The following RNF182 variants were observed in gnomAD, a reference collection of about 807,000 sequenced individuals.
RNF182 encodes ring finger protein 182.
A neutral mutation model predicts 14.4 loss-of-function variants in RNF182; 15 were observed. The ratio of observed to expected loss-of-function variants is 1.04; its 90% CI spans 0.70 to 1.60. RNF182 has a LOEUF of 1.60. RNF182 is among the 40% of genes most tolerant of loss of function. RNF182 has a pLI of 0.00. For synonymous variants in RNF182, 128 were observed against 122.9 expected, an observed-to-expected ratio of 1.04 and a Z score of -0.27; for missense variants, 268 against 294.8, an observed-to-expected ratio of 0.91 and a Z score of 0.67.
intron 1 of RNF182, among the ~76,000 whole-genome samples, chr6:13,934,174 A>G (rs1176570311): frequency 6.6e-6 from 1 of 152,254 alleles, no homozygotes; most frequent in Non-Finnish European, 1.5e-5. Flanking sequence ...TGCACCAGCC[A>G]CATTTCAAGT....
In RNF182 at chr6:13,977,701, C is replaced by A. The variant is rs535750500; in HGVS notation, c.582C>A (p.Phe194Leu). ...VLVWLLGLLY[F>L]SSLPLGIYLL... ...TGTGGTTGCTAGGTTTGCTCTACTT[C>A]AGCTCCTTACCCTTAGGAATCTACT... is the stretch of plus-strand genomic sequence containing the variant. Residue 194 changes from phenylalanine to leucine, a missense_variant, in exon 3 of 3, where the codon TTC (phenylalanine) becomes TTA (leucine). Coordinates refer to ENST00000488300, the MANE Select transcript of RNF182 (RefSeq NM_152737.4). 6.2e-7 allele frequency: 1 copy of A among 1,614,208 alleles called. No homozygotes were observed. Among genetic ancestry groups the A allele is most frequent in the East Asian group, 2.2e-5 (1 of 44,882 alleles).
chr6:13,935,778 A>G (rs557720915), intron 1 of RNF182, among the ~76,000 whole-genome samples: 3 of 152,344 alleles, frequency 2.0e-5, no homozygotes, highest in East Asian at 1.9e-4. Flanking sequence ...ACATCTTACT[A>G]TGATTCATTT....
intron 1 of RNF182, among the ~76,000 whole-genome samples, chr6:13,939,199 C>T (rs1055507545): frequency 1.3e-5 from 2 of 152,124 alleles, no homozygotes; most frequent in Non-Finnish European, 2.9e-5. Context: ...TAGTGTTTGG[C>T]GTTTACATAC....
rs189187466 is a variant in RNF182 at position 13,939,789 on chromosome 6, C to T, written c.-367+14766C>T. Among the ~76,000 whole-genome samples the T allele has an allele frequency of 2.8e-4, 42 of 152,264 alleles. No homozygotes were observed. In the East Asian group the frequency reaches 6.6e-3, roughly 24 times the overall value. On this transcript the variant is annotated intron_variant, in intron 1 of 2. Transcript: ENST00000488300. ...TGATCTCCTGACCTCGTGATCCACC[C>T]GCCTCAGCCTTCCAAAGTGCTGGGA...
At chr6:13,960,520 T>TA (rs892570587) in intron 1 of RNF182, among the ~76,000 whole-genome samples, 1 of 152,182 alleles carries the variant, frequency 6.6e-6, no homozygotes, top group African/African-American at 2.4e-5. Flanking sequence ...ACCCAACTGT[T>TA]ACTCTTTTAA....
chr6:13,956,395 G>A (rs550932553), intron 1 of RNF182, among the ~76,000 whole-genome samples: 2 of 150,742 alleles, frequency 1.3e-5, no homozygotes, highest in South Asian at 2.1e-4. Context: ...TGTGATCTAC[G>A]CTCACTGCAA....
At chr6:13,927,766 A>T (rs374661820) in intron 1 of RNF182, among the ~76,000 whole-genome samples, 12 of 152,388 alleles carry the variant, frequency 7.9e-5, no homozygotes, top group African/African-American at 2.4e-4. Context: ...CTGTGATAAC[A>T]TGATTACTGG....
intron 1 of RNF182, among the ~76,000 whole-genome samples, chr6:13,925,700 T>A (rs922783895): frequency 1.3e-5 from 2 of 152,218 alleles, no homozygotes; most frequent in African/African-American, 4.8e-5. Context: ...CTTTTGTTTC[T>A]AGAAGGTATT....
rs764040007 is a variant in RNF182 at position 13,977,341 on chromosome 6, AGAT to A, written c.228_230del (p.Asp76del). On this transcript the variant is annotated inframe_deletion, in exon 3 of 3. Coordinates refer to ENST00000488300, the MANE Select transcript of RNF182 (RefSeq NM_152737.4). ...TCTGCAGGTTTGAGACGTGCCTGCC[AGAT>A]GATGAAGTTAGTAGCCTGCCCGATG... is the stretch of plus-strand genomic sequence containing the variant. The A allele has an allele frequency of 6.2e-7, 1 of 1,614,230 alleles. No homozygotes were observed. The highest frequency in any genetic ancestry group is 1.7e-5 in the Admixed American group (1 of 60,034).
chr6:13,940,086 C>T (rs902623391), intron 1 of RNF182, among the ~76,000 whole-genome samples: 1 of 152,080 alleles, frequency 6.6e-6, no homozygotes, highest in Non-Finnish European at 1.5e-5. Flanking sequence ...TGTACTTTGT[C>T]TTATTCCCAA....
chr6:13,955,333 C>G (rs280172), intron 1 of RNF182, among the ~76,000 whole-genome samples: 119,326 of 152,112 alleles, frequency 0.78, 48,399 homozygotes, highest in Middle Eastern at 0.91. Context: ...TGGTTGAAAT[C>G]CTTCTATAAA....
At chr6:13,926,762 T>A (rs1372913686) in intron 1 of RNF182, among the ~76,000 whole-genome samples, 1 of 151,706 alleles carries the variant, frequency 6.6e-6, no homozygotes, top group Non-Finnish European at 1.5e-5. Context: ...TAAAAATAAA[T>A]TATTTTGTGT....
chr6:13,938,491 GC>G lies in RNF182; in HGVS notation c.-367+13469del, dbSNP rs1759199563. Among the ~76,000 whole-genome samples the G allele has an allele frequency of 2.0e-5, 3 of 152,088 alleles. No individual in the cohort carries two copies. In the South Asian group the frequency reaches 6.2e-4, roughly 32 times the overall value. On this transcript the variant is annotated intron_variant, in intron 1 of 2. Transcript: ENST00000488300. Reference sequence around the variant, plus strand: ...TTATACATCTTCTTTTAATGTTAGTGCTTTTTGTGTCTTCTTTAAGAATTTT... The same window carrying G: ...TTATACATCTTCTTTTAATGTTAGTGTTTTTGTGTCTTCTTTAAGAATTTT...
intron 1 of RNF182, among the ~76,000 whole-genome samples, chr6:13,936,675 A>G (rs971920954): frequency 6.6e-6 from 1 of 152,216 alleles, no homozygotes; most frequent in African/African-American, 2.4e-5. Context: ...GTCATTACAC[A>G]AGTGTGTGCC....
chr6:13,949,346 C>T (rs907521997), intron 1 of RNF182: 2 of 768,856 alleles, frequency 2.6e-6, no homozygotes, highest in African/African-American at 3.4e-5. Context: ...CCCCTTGCTT[C>T]CAAGTGTCCT....
At chr6:13,953,464 G>A (rs537220864) in intron 1 of RNF182, among the ~76,000 whole-genome samples, 105 of 152,230 alleles carry the variant, frequency 6.9e-4, no homozygotes, top group Admixed American at 2.5e-3. Flanking sequence ...GTGAGGATGG[G>A]ATTTTGGGGC....
chr6:13,936,112 G>A (rs1027858424), intron 1 of RNF182, among the ~76,000 whole-genome samples: 1 of 152,180 alleles, frequency 6.6e-6, no homozygotes, highest in African/African-American at 2.4e-5. Context: ...GAATTCTGTC[G>A]CGAGATAGCA....
At chr6:13,928,102 C>T (rs371548839) in intron 1 of RNF182, among the ~76,000 whole-genome samples, 5 of 152,194 alleles carry the variant, frequency 3.3e-5, no homozygotes, top group East Asian at 1.9e-4. Flanking sequence ...CTTTTGTGGA[C>T]GTGTGTTTCA....
chr6:13,970,135 ATTAT>A (rs1227457831), intron 1 of RNF182, among the ~76,000 whole-genome samples: 1 of 152,162 alleles, frequency 6.6e-6, no homozygotes, highest in African/African-American at 2.4e-5. Flanking sequence ...TTAACTGTTT[ATTAT>A]TTTTATATGT....
Sources: gnomAD v4.1 joint callset for allele counts (sites outside exome capture counted in the v4.1 genomes callset) on GRCh38, gnomAD v4.1.1 for gene constraint, MANE v1.5 for transcripts, NCBI Gene and HGNC (gene_info 2026-07-23, HGNC 2026-07-21) for gene names.